ARHGAP6: variants seen among roughly 807,000 people sequenced by gnomAD.
The protein encoded by ARHGAP6 is Rho GTPase activating protein 6.
A neutral mutation model predicts 55.7 loss-of-function variants in ARHGAP6; 16 were observed. The observed-to-expected ratio is 0.29, with a 90% CI of 0.19 to 0.44. The LOEUF is 0.44. ARHGAP6 is among the 20% of genes least tolerant of loss of function. The pLI is 1.00. For missense variants in ARHGAP6, 698 were observed against 808.9 expected (o/e 0.86, Z 1.66); for synonymous variants, 382 against 360.9 (o/e 1.06, Z -0.66).
At position 11,586,002 on chromosome X, in the gene ARHGAP6, G is replaced by A. The variant is rs184803617; in HGVS notation, c.588+78239C>T. On this transcript the variant is annotated intron_variant, in intron 1 of 12. Coordinates refer to ENST00000337414, the MANE Select transcript of ARHGAP6 (RefSeq NM_013427.3). ...TATGATGACAGCTCCAAGGGAGGTCGTGGTAAACCATGAGAAACCGCCCCC... is the reference window on the plus strand; with the variant it reads ...TATGATGACAGCTCCAAGGGAGGTCATGGTAAACCATGAGAAACCGCCCCC... 4.7e-4 allele frequency among the ~76,000 whole-genome samples: 53 copies of A among 111,580 alleles called. No homozygotes were observed. In the East Asian group the frequency reaches 5.4e-3, roughly 11 times the overall value.
chrX:11,343,169 T>C (rs756719592), intron 1 of ARHGAP6, among the ~76,000 whole-genome samples: 1 of 112,749 alleles, frequency 8.9e-6, no homozygotes, highest in South Asian at 3.6e-4. Context: ...AGCACTTATG[T>C]ATAATTTGAA....
intron 1 of ARHGAP6, among the ~76,000 whole-genome samples, chrX:11,352,852 T>G (rs994495379): frequency 8.9e-6 from 1 of 111,971 alleles, no homozygotes; most frequent in Non-Finnish European, 1.9e-5. Flanking sequence ...CTATATATTA[T>G]GCATATACAC....
At chrX:11,572,257 A>G (rs1195975615) in intron 1 of ARHGAP6, among the ~76,000 whole-genome samples, 3 of 110,248 alleles carry the variant, frequency 2.7e-5, no homozygotes, top group Admixed American at 1.9e-4. Flanking sequence ...TTACATATGT[A>G]TACATGTGCC....
intron 9 of ARHGAP6, among the ~76,000 whole-genome samples, chrX:11,159,769 T>TA (rs2045915622): frequency 3.6e-5 from 4 of 111,359 alleles, no homozygotes; most frequent in Admixed American, 2.9e-4. Context: ...AGATGGTATT[T>TA]AAAACCCTGT....
intron 1 of ARHGAP6, among the ~76,000 whole-genome samples, chrX:11,391,730 C>G (rs1466369564): frequency 1.8e-5 from 2 of 112,492 alleles, no homozygotes; most frequent in African/African-American, 6.5e-5. Flanking sequence ...AAATCAGAAG[C>G]TCTAGGAGTG....
rs1327750881 is a variant in ARHGAP6 at position 11,453,668 on chromosome X, A to G, written c.589-198961T>C. 3.6e-5 allele frequency among the ~76,000 whole-genome samples: 4 copies of G among 111,530 alleles called. 1 individual carries two copies. The highest frequency in any genetic ancestry group is 7.5e-5 in the Non-Finnish European group (4 of 53,168). The stretch of plus-strand genomic sequence containing the variant: ...TAAAACTAAGCCACACATGAGTTAC[A>G]TGATACATCCCCAGCCCTCTGAAGG... On this transcript the variant is annotated intron_variant, in intron 1 of 12. Transcript: ENST00000337414.
At chrX:11,304,497 C>T (rs2048212167) in intron 1 of ARHGAP6, among the ~76,000 whole-genome samples, 1 of 110,905 alleles carries the variant, frequency 9.0e-6, no homozygotes, top group Admixed American at 9.6e-5. Flanking sequence ...CTGATATCCC[C>T]AGACACTGTT....
At chrX:11,394,989 G>A (rs1003926904) in intron 1 of ARHGAP6, among the ~76,000 whole-genome samples, 6 of 112,106 alleles carry the variant, frequency 5.4e-5, no homozygotes, top group African/African-American at 1.9e-4. Context: ...CTGAGCATGG[G>A]CCCTGTGCGA....
intron 10 of ARHGAP6, among the ~76,000 whole-genome samples, chrX:11,153,983 A>T (rs1306303796): frequency 9.4e-6 from 1 of 106,769 alleles, no homozygotes; most frequent in African/African-American, 3.4e-5. Flanking sequence ...CCCACAACAG[A>T]CCCCGGAGTG....
chrX:11,351,435 C>G (rs1238342222), intron 1 of ARHGAP6: 5 of 966,960 alleles, frequency 5.2e-6, no homozygotes, highest in Admixed American at 6.2e-5. Context: ...AGGCCAGGAA[C>G]AGGGCAGGCT....
chrX:11,315,558 G>A (rs1370642034), intron 1 of ARHGAP6, among the ~76,000 whole-genome samples: 1 of 111,861 alleles, frequency 8.9e-6, no homozygotes, highest in Admixed American at 9.4e-5. Flanking sequence ...ATTGACGGCA[G>A]GAAGAGGCTT....
At chrX:11,141,961 T>C (rs910739928) in intron 12 of ARHGAP6, among the ~76,000 whole-genome samples, 5 of 112,151 alleles carry the variant, frequency 4.5e-5, no homozygotes, top group Non-Finnish European at 9.4e-5. Context: ...AAAAGGATAA[T>C]GGAGAGTAAC....
chrX:11,455,184 GA>G (rs755399945), intron 1 of ARHGAP6, among the ~76,000 whole-genome samples: 71 of 112,170 alleles, frequency 6.3e-4, no homozygotes, highest in African/African-American at 2.1e-3. Flanking sequence ...GGCCTCTTTT[GA>G]AAATAACCAC....
chrX:11,278,021 T>C (rs1177346440), intron 1 of ARHGAP6, among the ~76,000 whole-genome samples: 3 of 111,892 alleles, frequency 2.7e-5, no homozygotes, highest in Admixed American at 9.5e-5. Context: ...AGATAGTCAT[T>C]GCACATTTCA....
chrX:11,412,762 A>G (rs780981980), intron 1 of ARHGAP6, among the ~76,000 whole-genome samples: 2 of 112,441 alleles, frequency 1.8e-5, no homozygotes, highest in South Asian at 7.5e-4. Context: ...ATGTATGCAT[A>G]TATCATAGTT....
intron 1 of ARHGAP6, among the ~76,000 whole-genome samples, chrX:11,373,092 CAA>C (rs1436759422): frequency 1.6e-4 from 10 of 62,824 alleles, no homozygotes; most frequent in Middle Eastern, 8.6e-3. Context: ...CACACACACA[CAA>C]ACACACACAC....
intron 1 of ARHGAP6, among the ~76,000 whole-genome samples, chrX:11,450,200 A>G (rs1295805329): frequency 1.1e-5 from 1 of 91,691 alleles, no homozygotes; most frequent in Non-Finnish European, 2.1e-5. Context: ...AGAACAAATA[A>G]TAAGTGTGTG....
At chrX:11,467,289 A>AT (rs1275119468) in intron 1 of ARHGAP6, among the ~76,000 whole-genome samples, 1 of 110,474 alleles carries the variant, frequency 9.1e-6, no homozygotes, top group East Asian at 2.9e-4. Context: ...ATATTTAAAA[A>AT]TTAGCTGGAT....
chrX:11,328,646 A>G (rs753280467), intron 1 of ARHGAP6, among the ~76,000 whole-genome samples: 1 of 112,597 alleles, frequency 8.9e-6, no homozygotes, highest in South Asian at 3.7e-4. Flanking sequence ...TTAATGATGT[A>G]CAAGTGTCTG....
Sources: allele counts gnomAD v4.1 joint callset (sites outside exome capture counted in the v4.1 genomes callset), GRCh38; gene constraint gnomAD v4.1.1; transcripts MANE v1.5; gene names NCBI Gene and HGNC (gene_info 2026-07-23, HGNC 2026-07-21).